The following TRABD2B variants were observed in gnomAD, a reference collection of about 807,000 sequenced individuals.
TRABD2B encodes the protein TraB domain containing 2B.
In TRABD2B, 14 loss-of-function variants were observed where a neutral mutation model predicts 40.1. The ratio of observed to expected loss-of-function variants is 0.35; its 90% CI spans 0.23 to 0.55. The LOEUF (loss-of-function observed/expected upper bound fraction) is 0.55. TRABD2B is among the 20% of genes least tolerant of loss of function. TRABD2B has a pLI of 0.90. For missense variants in TRABD2B, 541 were observed against 648.6 expected, an observed-to-expected ratio of 0.83 and a Z score of 1.80; for synonymous variants, 263 against 277.0, an observed-to-expected ratio of 0.95 and a Z score of 0.50.
intron 4 of TRABD2B, among the ~76,000 whole-genome samples, chr1:47,779,166 T>G (rs1047565956): frequency 1.3e-5 from 2 of 152,200 alleles, no homozygotes; most frequent in African/African-American, 4.8e-5. Context: ...CTGGCTGGAT[T>G]CACAGACTCA....
At chr1:47,888,289 C>G (rs1194460617) in intron 2 of TRABD2B, among the ~76,000 whole-genome samples, 1 of 152,202 alleles carries the variant, frequency 6.6e-6, no homozygotes, top group Non-Finnish European at 1.5e-5. Flanking sequence ...TCTGGGTTCT[C>G]CCGTGGAATT....
chr1:47,776,806 C>T (rs1040894526), intron 5 of TRABD2B, among the ~76,000 whole-genome samples: 1 of 152,172 alleles, frequency 6.6e-6, no homozygotes, highest in Non-Finnish European at 1.5e-5. Flanking sequence ...GGAAAGAAGG[C>T]CATCAGCTCA....
chr1:47,801,580 T>G lies in TRABD2B; in HGVS notation c.706A>C (p.Ser236Arg). ...ALNQTLLQQE[S>R]VRAGSLQASY... ...GCCTGCAGGCTCCCGGCCCGCACAC[T>G]CTCCTGCTGCAGCAGGGTTTGGTTC... Residue 236 changes from serine to arginine, a missense_variant, in exon 3 of 7, where the codon AGT becomes CGT. This residue lies in a region of TRABD2B where 369 missense variants were observed against 492.8 expected (regional missense o/e 0.75). Transcript: ENST00000606738. 6.5e-7 allele frequency: 1 copy of G among 1,535,804 alleles called. No homozygotes were observed. The highest frequency in any genetic ancestry group is 2.4e-5 in the East Asian group (1 of 40,896).
intron 2 of TRABD2B, among the ~76,000 whole-genome samples, chr1:47,978,426 C>CAGCCCTCTGCAAAGA (rs1645791509): frequency 6.9e-6 from 1 of 144,944 alleles, no homozygotes; most frequent in African/African-American, 2.4e-5. Flanking sequence ...GGCCAAGGAG[C>CAGCCCTCTGCAAAGA]GATGATGGGG....
Position 47,765,969 on chromosome 1 carries a change from C to G in TRABD2B, c.1487G>C (p.Gly496Ala). ...GGTGGTGGCGATGGCGGGGAGAAGG[C>G]CCAGGGTGGGTGCCGAGCTGCTGGC... is the stretch of plus-strand genomic sequence containing the variant. Reference protein sequence around the residue: ...GPASSSAPTLGLLPAIATTIA... With the variant: ...GPASSSAPTLALLPAIATTIA... Residue 496 changes from glycine (G) to alanine (A), a missense_variant, in exon 7 of 7, where the codon GGC becomes GCC. Coordinates refer to ENST00000606738, the MANE Select transcript of TRABD2B (RefSeq NM_001194986.2). 1 of 702,528 alleles carries G rather than the reference C, an allele frequency of 1.4e-6. No individual in the cohort carries two copies. The highest frequency in any genetic ancestry group is 2.6e-6 in the Non-Finnish European group (1 of 384,764). 43.5% of individuals were successfully genotyped at this position (702,528 alleles called of 1,614,324 possible).
rs1644234941 is a variant in TRABD2B at position 47,760,702 on chromosome 1, A to G, written c.*5200T>C. 1 of 152,234 alleles carries G rather than the reference A, an allele frequency of 6.6e-6. No homozygotes were observed. The highest frequency in any genetic ancestry group is 2.1e-4 in the South Asian group (1 of 4,828). The allele number at this position is 152,234 out of a possible 1,614,324, so 9.4% of individuals were successfully genotyped here. Reference sequence around the variant, plus strand: ...GAACAACATCATGAATACCTTTCAAATACATGAATCTGAAGCCTGTGTTGC... The same window carrying G: ...GAACAACATCATGAATACCTTTCAAGTACATGAATCTGAAGCCTGTGTTGC... On this transcript the variant is annotated 3_prime_UTR_variant, in exon 7 of 7. Transcript: ENST00000606738.
chr1:47,794,713 C>T lies in TRABD2B; in HGVS notation c.861G>A (p.Thr287=), dbSNP rs1306343110. ...GGAAGTAGCTGTCAATCTCCTGGGC[C>T]GTCACCTGCTCGTGTGGCGGGAGGG... ...NTTLPPHEQV[T]AQEIDSYFRQ... Residue 287 remains threonine, a synonymous_variant, in exon 4 of 7, where the codon ACG becomes ACA. Transcript: ENST00000606738. The T allele has an allele frequency of 4.4e-5, 67 of 1,536,094 alleles. No homozygotes were observed. Among genetic ancestry groups the T allele is most frequent in the Middle Eastern group, 1.7e-4 (1 of 5,986 alleles).
intron 2 of TRABD2B, among the ~76,000 whole-genome samples, chr1:47,883,772 C>A (rs918145415): frequency 2.0e-5 from 3 of 152,248 alleles, no homozygotes; most frequent in Admixed American, 2.0e-4. Context: ...TCCATGATGT[C>A]TCACTTAGAT....
At chr1:47,786,814 C>T (rs921871485) in intron 4 of TRABD2B, among the ~76,000 whole-genome samples, 2 of 152,162 alleles carry the variant, frequency 1.3e-5, no homozygotes, top group African/African-American at 4.8e-5. Flanking sequence ...ACCCTTCCAC[C>T]TTAGCCTCTT....
intron 2 of TRABD2B, among the ~76,000 whole-genome samples, chr1:47,841,113 G>C (rs1237359782): frequency 1.3e-5 from 2 of 152,156 alleles, no homozygotes; most frequent in Non-Finnish European, 1.5e-5. Context: ...GACTGACGAG[G>C]GGAGGGCAAC....
intron 2 of TRABD2B, among the ~76,000 whole-genome samples, chr1:47,855,240 A>AT (rs982946287): frequency 1.3e-5 from 2 of 152,210 alleles, no homozygotes; most frequent in African/African-American, 4.8e-5. Flanking sequence ...TGTTTCCCAT[A>AT]TTTTTTAAAA....
At chr1:47,779,727 C>T (rs1439116060) in intron 4 of TRABD2B, among the ~76,000 whole-genome samples, 1 of 152,144 alleles carries the variant, frequency 6.6e-6, no homozygotes, top group Non-Finnish European at 1.5e-5. Context: ...ATGGGCCTGC[C>T]CTGTGGCTGC....
chr1:47,841,438 T>C (rs1359816061), intron 2 of TRABD2B, among the ~76,000 whole-genome samples: 2 of 152,244 alleles, frequency 1.3e-5, no homozygotes, highest in Admixed American at 1.3e-4. Flanking sequence ...CCTGAATCCC[T>C]GAACTGTCAC....
intron 6 of TRABD2B, among the ~76,000 whole-genome samples, chr1:47,767,451 C>G (rs1644320253): frequency 1.3e-5 from 2 of 152,182 alleles, no homozygotes; most frequent in African/African-American, 4.8e-5. Flanking sequence ...CGTACAGAGC[C>G]CTGCCCCTGC....
chr1:47,867,147 T>C (rs1644070345), intron 2 of TRABD2B, among the ~76,000 whole-genome samples: 1 of 152,216 alleles, frequency 6.6e-6, no homozygotes, highest in South Asian at 2.1e-4. Flanking sequence ...CAGTGGCACA[T>C]CTGCTTACAC....
At chr1:47,853,674 T>C (rs915583634) in intron 2 of TRABD2B, among the ~76,000 whole-genome samples, 1 of 152,174 alleles carries the variant, frequency 6.6e-6, no homozygotes, top group Non-Finnish European at 1.5e-5. Flanking sequence ...CACTCACCCA[T>C]CCATCCATCC....
chr1:47,969,424 A>G (rs1479208199), intron 2 of TRABD2B, among the ~76,000 whole-genome samples: 1 of 152,216 alleles, frequency 6.6e-6, no homozygotes, highest in African/African-American at 2.4e-5. Context: ...ACCACTCACA[A>G]GGGCTCAGTT....
intron 2 of TRABD2B, among the ~76,000 whole-genome samples, chr1:47,986,033 C>T (rs1444838551): frequency 6.6e-6 from 1 of 152,058 alleles, no homozygotes; most frequent in Non-Finnish European, 1.5e-5. Flanking sequence ...GCTCCAAAAC[C>T]AAGATAGCAA....
intron 2 of TRABD2B, among the ~76,000 whole-genome samples, chr1:47,827,037 C>T (rs1436728300): frequency 6.6e-6 from 1 of 152,162 alleles, no homozygotes; most frequent in Non-Finnish European, 1.5e-5. Flanking sequence ...AAGGTGTCCA[C>T]ACTCCATGGA....
Sources: allele counts gnomAD v4.1 joint callset (sites outside exome capture counted in the v4.1 genomes callset), GRCh38; gene constraint gnomAD v4.1.1; regional missense constraint gnomAD v4.1.1; transcripts MANE v1.5; gene names NCBI Gene and HGNC (gene_info 2026-07-23, HGNC 2026-07-21).